Variants in CDH13 observed in about 807,000 individuals in gnomAD.
The protein encoded by CDH13 is cadherin 13, also known as cadherin-13.
A neutral mutation model predicts 63.8 loss-of-function variants in CDH13; 24 were observed. The observed-to-expected ratio is 0.38, with a 90% CI of 0.27 to 0.53. CDH13 has a LOEUF of 0.53. Ranked by LOEUF, CDH13 falls within the 20% of genes least tolerant of loss-of-function variation. The probability of loss-of-function intolerance (pLI) is 0.85; values close to 1 mark genes in which losing one functional copy is unlikely to be tolerated. For missense variants in CDH13, 1,049 were observed against 903.1 expected (o/e 1.16, Z -2.07); for synonymous variants, 503 against 355.3 (o/e 1.42, Z -4.67).
At chr16:83,184,032 G>A (rs2038431417) in intron 4 of CDH13, among the ~76,000 whole-genome samples, 1 of 151,258 alleles carries the variant, frequency 6.6e-6, no homozygotes, top group Non-Finnish European at 1.5e-5. Context: ...AGAGGGGGCA[G>A]ACTGAGGCTC....
At chr16:83,429,662 A>G (rs1199216059) in intron 6 of CDH13, among the ~76,000 whole-genome samples, 4 of 152,216 alleles carry the variant, frequency 2.6e-5, no homozygotes, top group African/African-American at 9.6e-5. Context: ...GTTGTGGCTA[A>G]TCTTTCCTTA....
At chr16:83,369,264 C>T (rs1291674073) in intron 6 of CDH13, among the ~76,000 whole-genome samples, 1 of 151,818 alleles carries the variant, frequency 6.6e-6, no homozygotes, top group Admixed American at 6.6e-5. Flanking sequence ...GGAAAATTAG[C>T]TCATTTTCTA....
intron 1 of CDH13, among the ~76,000 whole-genome samples, chr16:82,820,945 A>G (rs1220967522): frequency 3.9e-5 from 6 of 152,074 alleles, no homozygotes; most frequent in African/African-American, 1.4e-4. Context: ...AGTCTGTGGG[A>G]CCTGCCTCTA....
intron 7 of CDH13, among the ~76,000 whole-genome samples, chr16:83,504,621 A>C (rs961912900): frequency 1.3e-5 from 2 of 152,120 alleles, no homozygotes; most frequent in Non-Finnish European, 2.9e-5. Context: ...GCCCATTCTC[A>C]GTGCCAGTGG....
intron 2 of CDH13, among the ~76,000 whole-genome samples, chr16:83,024,647 A>C (rs1915636710): frequency 6.6e-6 from 1 of 152,228 alleles, no homozygotes; most frequent in African/African-American, 2.4e-5. Context: ...GATGTGAAGA[A>C]GACGACATGA....
intron 11 of CDH13, among the ~76,000 whole-genome samples, chr16:83,762,430 C>T (rs1259543582): frequency 1.3e-5 from 2 of 152,034 alleles, no homozygotes; most frequent in African/African-American, 4.8e-5. Context: ...GTAGAGAGAA[C>T]ATTCGGGAAT....
At chr16:82,771,812 T>C (rs991710344) in intron 1 of CDH13, among the ~76,000 whole-genome samples, 2 of 152,228 alleles carry the variant, frequency 1.3e-5, no homozygotes, top group African/African-American at 4.8e-5. Context: ...AGCAAGGGTG[T>C]CATCTCAAGC....
chr16:83,149,699 G>T (rs963910197), intron 4 of CDH13, among the ~76,000 whole-genome samples: 9 of 152,158 alleles, frequency 5.9e-5, no homozygotes, highest in East Asian at 1.9e-4. Flanking sequence ...TTTCTCAAAA[G>T]CTCTTCATGA....
At chr16:83,574,257 G>A (rs1030160136) in intron 7 of CDH13, among the ~76,000 whole-genome samples, 4 of 152,154 alleles carry the variant, frequency 2.6e-5, no homozygotes, top group Admixed American at 2.6e-4. Context: ...TGATGCATCG[G>A]ATGGGAGCAC....
chr16:83,753,159 G>A (rs1199311493), intron 11 of CDH13, among the ~76,000 whole-genome samples: 1 of 152,104 alleles, frequency 6.6e-6, no homozygotes, highest in Non-Finnish European at 1.5e-5. Flanking sequence ...ATAAATCAGA[G>A]CAACTTTTAT....
At chr16:83,419,473 T>G (rs1421892380) in intron 6 of CDH13, among the ~76,000 whole-genome samples, 1 of 152,192 alleles carries the variant, frequency 6.6e-6, no homozygotes, top group African/African-American at 2.4e-5. Flanking sequence ...ACCTTCTACT[T>G]TTACATCCTT....
chr16:83,737,442 A>C (rs1238388662), intron 10 of CDH13, among the ~76,000 whole-genome samples: 2 of 152,364 alleles, frequency 1.3e-5, no homozygotes, highest in South Asian at 4.1e-4. Context: ...AACCTTTCTC[A>C]AATGTGTATG....
At chr16:83,717,606 G>C (rs1408595328) in intron 10 of CDH13, among the ~76,000 whole-genome samples, 1 of 152,236 alleles carries the variant, frequency 6.6e-6, no homozygotes, top group East Asian at 1.9e-4. Flanking sequence ...TTCATTTAAT[G>C]ATCACGGGGA....
chr16:83,738,820 C>T (rs948040528), intron 10 of CDH13, among the ~76,000 whole-genome samples: 9 of 152,152 alleles, frequency 5.9e-5, no homozygotes, highest in East Asian at 3.9e-4. Context: ...GCAGGAGAAT[C>T]GCTTGAACCC....
intron 7 of CDH13, among the ~76,000 whole-genome samples, chr16:83,556,970 C>A (rs1490979840): frequency 4.6e-5 from 7 of 152,170 alleles, no homozygotes; most frequent in African/African-American, 1.4e-4. Context: ...TAAGGGGTCC[C>A]CGACCCCCAG....
chr16:83,673,177 C>G (rs941377692), intron 9 of CDH13, among the ~76,000 whole-genome samples: 4 of 152,338 alleles, frequency 2.6e-5, no homozygotes, highest in African/African-American at 9.6e-5. Context: ...TATCGCACAT[C>G]TACTGTTGTC....
intron 5 of CDH13, among the ~76,000 whole-genome samples, chr16:83,237,117 C>G (rs1004646146): frequency 6.6e-6 from 1 of 152,088 alleles, no homozygotes; most frequent in African/African-American, 2.4e-5. Context: ...GCATGGGCAG[C>G]TTTTATGTAG....
chr16:82,873,417 G>A (rs756443754), intron 2 of CDH13, among the ~76,000 whole-genome samples: 3 of 152,196 alleles, frequency 2.0e-5, no homozygotes, highest in Non-Finnish European at 2.9e-5. Context: ...ATGGAATGCT[G>A]TAGCTGGTGT....
At chr16:83,564,499 C>G (rs1253397626) in intron 7 of CDH13, among the ~76,000 whole-genome samples, 1 of 149,908 alleles carries the variant, frequency 6.7e-6, no homozygotes, top group African/African-American at 2.5e-5. Flanking sequence ...ACCTCTGCCT[C>G]CCGGGTTCAA....
Sources: allele counts gnomAD v4.1 joint callset (sites outside exome capture counted in the v4.1 genomes callset), GRCh38; gene constraint gnomAD v4.1.1; transcripts MANE v1.5; gene names NCBI Gene and HGNC (gene_info 2026-07-23, HGNC 2026-07-21).